NT5C2: variants seen among roughly 807,000 people sequenced by gnomAD.
The protein encoded by NT5C2 is cytosolic purine 5'-nucleotidase.
NT5C2 carries 58 observed loss-of-function variants against 76.1 expected under a neutral mutation model. The ratio of observed to expected loss-of-function variants is 0.76; its 90% CI spans 0.62 to 0.95. The LOEUF is 0.95. Ranked by LOEUF, NT5C2 falls within the 40% of genes least tolerant of loss-of-function variation. NT5C2 has a pLI of 0.00. For synonymous variants in NT5C2, 229 were observed against 237.4 expected, an observed-to-expected ratio of 0.96 and a Z score of 0.32; for missense variants, 478 against 690.3, an observed-to-expected ratio of 0.69 and a Z score of 3.45.
chr10:103,095,937 A>AC lies in NT5C2; in HGVS notation c.813+1dup. 1.2e-6 allele frequency: 2 copies of AC among 1,612,446 alleles called. No homozygotes were observed. Among genetic ancestry groups the AC allele is most frequent in the Non-Finnish European group, 1.7e-6 (2 of 1,178,534 alleles). The stretch of plus-strand genomic sequence containing the variant: ...AGTGGTCTATTGAGTCACATACGGT[A>AC]CCTTGGGGCCATGTGGGAAGTCAAA... On this transcript the variant is annotated splice_donor_variant, in intron 12 of 18. Coordinates refer to ENST00000404739, the MANE Select transcript of NT5C2 (RefSeq NM_001351169.2). LOFTEE classifies it high-confidence loss of function.
chr10:103,101,057 G>A lies in NT5C2; in HGVS notation c.527C>T (p.Pro176Leu). Residue 176 changes from proline to leucine, a missense_variant, in exon 8 of 19, where the codon CCC becomes CTC. Pro to Leu is a moderately conservative substitution (Grantham distance 98). Transcript: ENST00000404739. ...AGTATATACATACCTGGTATATCTG[G>A]GACAATTAGTAAAAAAATCTACTAG... ...ACLVDFFTNC[P>L]RYTSCETGFK... is the part of the protein sequence containing the mutation. The A allele has an allele frequency of 6.4e-7, 1 of 1,557,924 alleles. No individual in the cohort carries two copies. The highest frequency in any genetic ancestry group is 8.9e-7 in the Non-Finnish European group (1 of 1,129,124).
chr10:103,089,677 C>A lies in NT5C2; in HGVS notation c.1681G>T (p.Glu561Ter), dbSNP rs768451372. 4 of 1,597,648 alleles carry A rather than the reference C, an allele frequency of 2.5e-6. No individual in the cohort carries two copies. Among genetic ancestry groups the A allele is most frequent in the South Asian group, 1.1e-5 (1 of 87,838 alleles). ...DDDEEEEEEEE is the reference protein window; with the variant it reads ...DDDEEEEEEE ...TGGGGTTTTGGTTTTCCTCCTTATT[C>A]TTCCTCCTCCTCCTCCTCTTCATCA... Residue 561 changes from glutamate (E) to a stop codon, truncating the protein, a stop_gained, in exon 19 of 19, where the codon GAA becomes TAA. Coordinates refer to ENST00000404739, the MANE Select transcript of NT5C2 (RefSeq NM_001351169.2). LOFTEE classifies it high-confidence loss of function.
intron 4 of NT5C2, 123 bp downstream of exon 4, chr10:103,139,283 A>C (rs1591371291): frequency 1.9e-6 from 1 of 538,434 alleles, no homozygotes; most frequent in Non-Finnish European, 3.2e-6. Flanking sequence ...CAACCTGATA[A>C]TAAAAGCTTC....
intron 8 of NT5C2, 42 bp from the exon 9 acceptor site, chr10:103,100,061 G>GTTA (rs2135034748): frequency 7.4e-7 from 1 of 1,351,262 alleles, no homozygotes; most frequent in Non-Finnish European, 1.1e-6. Context: ...ATCCAAAACA[G>GTTA]GGTAAACAAA....
At chr10:103,148,462 A>G (rs2081877292) in intron 3 of NT5C2, among the ~76,000 whole-genome samples, 1 of 152,084 alleles carries the variant, frequency 6.6e-6, no homozygotes, top group Non-Finnish European at 1.5e-5. Context: ...TTAGCCGGGC[A>G]TGGTGGCAGG....
At chr10:103,153,266 G>A in intron 3 of NT5C2, 1 of 1,276,032 alleles carries the variant, frequency 7.8e-7, no homozygotes, top group Non-Finnish European at 1.0e-6. Context: ...AAAAATGAAA[G>A]AGAAAGAATA....
intron 3 of NT5C2, among the ~76,000 whole-genome samples, chr10:103,171,850 G>A (rs936065387): frequency 5.9e-5 from 9 of 152,098 alleles, no homozygotes; most frequent in Middle Eastern, 3.2e-3. Flanking sequence ...CTTGAGCCCA[G>A]GCATTTGAGA....
intron 3 of NT5C2, among the ~76,000 whole-genome samples, chr10:103,171,558 G>A (rs755747048): frequency 6.6e-6 from 1 of 152,088 alleles, no homozygotes; most frequent in Non-Finnish European, 1.5e-5. Context: ...ACTTACTGCC[G>A]GCTTTCCTGG....
At chr10:103,138,337 T>G (rs1375764700) in intron 4 of NT5C2, among the ~76,000 whole-genome samples, 1 of 152,224 alleles carries the variant, frequency 6.6e-6, no homozygotes, top group African/African-American at 2.4e-5. Context: ...TAGGTATACA[T>G]GTACCATGGT....
At chr10:103,120,115 GA>G (rs1255707007) in intron 4 of NT5C2, among the ~76,000 whole-genome samples, 1 of 150,918 alleles carries the variant, frequency 6.6e-6, no homozygotes, top group African/African-American at 2.4e-5. Flanking sequence ...AAAAAAGGAA[GA>G]AAAGAAAAGA....
At chr10:103,122,511 T>G (rs1212217877) in intron 4 of NT5C2, among the ~76,000 whole-genome samples, 1 of 152,220 alleles carries the variant, frequency 6.6e-6, no homozygotes, top group African/African-American at 2.4e-5. Flanking sequence ...TGACCTGAGT[T>G]TAAATTCCAG....
Position 103,105,653 on chromosome 10 carries a change from T to G in NT5C2, c.389+53A>C, listed in dbSNP as rs1032315712. The G allele has an allele frequency of 2.6e-6, 3 of 1,170,700 alleles. No individual in the cohort carries two copies. In the African/African-American group the frequency reaches 4.6e-5, roughly 18 times the overall value. 72.5% of individuals were successfully genotyped at this position (1,170,700 alleles called of 1,614,324 possible). On this transcript the variant is annotated intron_variant, in intron 6 of 18. Transcript: ENST00000404739. The stretch of plus-strand genomic sequence containing the variant: ...TACATCTGGGGAGATGATGTCATCT[T>G]CACATTGTTTGACTTTAACATTAGA...
At chr10:103,175,836 G>C (rs10786740) in intron 2 of NT5C2, 68,809 of 168,044 alleles carry the variant, frequency 0.41, 14,343 homozygotes, top group East Asian at 0.54. Context: ...AATTCAGCAG[G>C]CTGCTCTTCC....
At chr10:103,142,985 T>TC (rs1554997933) in intron 3 of NT5C2, among the ~76,000 whole-genome samples, 3 of 60,162 alleles carry the variant, frequency 5.0e-5, no homozygotes, top group African/African-American at 2.1e-4. Context: ...CAAGATTCCA[T>TC]CAAAAAAAAA....
chr10:103,151,741 T>C (rs190298995), intron 3 of NT5C2, among the ~76,000 whole-genome samples: 47 of 152,306 alleles, frequency 3.1e-4, no homozygotes, highest in Non-Finnish European at 5.4e-4. Context: ...AATGTCAATA[T>C]TGCACTTATG....
intron 3 of NT5C2, among the ~76,000 whole-genome samples, chr10:103,169,912 G>A (rs975998487): frequency 9.9e-5 from 15 of 152,030 alleles, no homozygotes; most frequent in African/African-American, 3.1e-4. Flanking sequence ...GGATCACAAG[G>A]TCAGGAGTTC....
chr10:103,105,519 T>C (rs2071010252), intron 6 of NT5C2, 187 bp downstream of exon 6: 2 of 533,012 alleles, frequency 3.8e-6, no homozygotes, highest in African/African-American at 1.9e-5. Context: ...CAAAATGTAA[T>C]TGCTAACTAT....
intron 1 of NT5C2, among the ~76,000 whole-genome samples, chr10:103,183,788 A>G (rs1021461548): frequency 6.6e-6 from 1 of 152,024 alleles, no homozygotes; most frequent in Non-Finnish European, 1.5e-5. Context: ...CTATATATCC[A>G]AAACTGTACC....
At chr10:103,169,913 T>G (rs2087448763) in intron 3 of NT5C2, among the ~76,000 whole-genome samples, 1 of 151,896 alleles carries the variant, frequency 6.6e-6, no homozygotes, top group South Asian at 2.1e-4. Context: ...GATCACAAGG[T>G]CAGGAGTTCA....
Sources: allele counts gnomAD v4.1 joint callset (sites outside exome capture counted in the v4.1 genomes callset), GRCh38; gene constraint gnomAD v4.1.1; transcripts MANE v1.5; gene names NCBI Gene and HGNC (gene_info 2026-07-23, HGNC 2026-07-21).